The following PARM1 variants were observed in gnomAD, a reference collection of about 807,000 sequenced individuals.
The protein encoded by PARM1 is WSC4, cell wall integrity and stress response component 4 homolog.
PARM1 carries 14 observed loss-of-function variants against 24.6 expected under a neutral mutation model. The ratio of observed to expected loss-of-function variants is 0.57; its 90% CI spans 0.38 to 0.89. The LOEUF (loss-of-function observed/expected upper bound fraction) is 0.89. Among genes scored for constraint, PARM1 ranks in the 40% least tolerant of loss-of-function variants. PARM1 has a pLI of 0.00. For synonymous variants in PARM1, 179 were observed against 156.6 expected (o/e 1.14, Z -1.07); for missense variants, 362 against 380.4 (o/e 0.95, Z 0.40).
chr4:74,945,778 G>A (rs1406943743), intron 1 of PARM1, among the ~76,000 whole-genome samples: 1 of 152,160 alleles, frequency 6.6e-6, no homozygotes, highest in East Asian at 1.9e-4. Flanking sequence ...ACAGCCCTCA[G>A]AAGAATATAC....
At chr4:74,988,559 A>G (rs879430014) in intron 1 of PARM1, among the ~76,000 whole-genome samples, 2 of 152,192 alleles carry the variant, frequency 1.3e-5, no homozygotes, top group Admixed American at 1.3e-4. Context: ...TGTTGAATGA[A>G]TAAACTAACT....
chr4:75,015,892 C>T lies in PARM1; in HGVS notation c.769+2742C>T, dbSNP rs28464157. 2.6e-3 allele frequency among the ~76,000 whole-genome samples: 398 copies of T among 152,320 alleles called. 1 individual carries two copies. The highest frequency in any genetic ancestry group is 4.2e-3 in the Non-Finnish European group (289 of 68,028). ...GACCAAGCAACATTCTGTTGGTTTG[C>T]GCTTCAGGTTACTATTTTGGGATGC... On this transcript the variant is annotated intron_variant, in intron 2 of 3. Coordinates refer to ENST00000307428, the MANE Select transcript of PARM1 (RefSeq NM_015393.4).
chr4:75,044,643 T>C, intron 3 of PARM1, among the ~76,000 whole-genome samples: 1 of 152,140 alleles, frequency 6.6e-6, no homozygotes, highest in Non-Finnish European at 1.5e-5. Context: ...ATGAGAAATA[T>C]TAAGCTGGGA....
chr4:74,943,330 CAT>C (rs1721349970), intron 1 of PARM1, among the ~76,000 whole-genome samples: 1 of 152,122 alleles, frequency 6.6e-6, no homozygotes, highest in Non-Finnish European at 1.5e-5. Context: ...TTTGTGGGCA[CAT>C]GAGGGTACTA....
chr4:75,010,208 T>C (rs1459957490), intron 1 of PARM1, among the ~76,000 whole-genome samples: 1 of 152,246 alleles, frequency 6.6e-6, no homozygotes, highest in African/African-American at 2.4e-5. Flanking sequence ...TGCTATCACA[T>C]GGATGAAACT....
At chr4:75,008,039 G>T (rs138014811) in intron 1 of PARM1, among the ~76,000 whole-genome samples, 1 of 152,146 alleles carries the variant, frequency 6.6e-6, no homozygotes, top group African/African-American at 2.4e-5. Context: ...AGTCCTAGCC[G>T]ACTAAGACAG....
intron 1 of PARM1, chr4:74,965,358 G>A (rs532032101): frequency 6.6e-5 from 10 of 152,284 alleles, no homozygotes; most frequent in African/African-American, 2.2e-4. Context: ...TGGGGATCTG[G>A]GGTACAGATG....
chr4:75,020,029 A>G (rs1723062021), intron 2 of PARM1, among the ~76,000 whole-genome samples: 1 of 150,658 alleles, frequency 6.6e-6, no homozygotes, highest in African/African-American at 2.4e-5. Context: ...AAAAAAAAAA[A>G]AAAAAAAAGA....
intron 1 of PARM1, among the ~76,000 whole-genome samples, chr4:74,942,638 C>T (rs1390400840): frequency 6.6e-6 from 1 of 152,182 alleles, no homozygotes; most frequent in Non-Finnish European, 1.5e-5. Context: ...GAAAGTCTGT[C>T]TGCTCTAGTT....
chr4:74,982,782 A>G (rs1722282931), intron 1 of PARM1, among the ~76,000 whole-genome samples: 1 of 152,338 alleles, frequency 6.6e-6, no homozygotes, highest in Admixed American at 6.5e-5. Context: ...CTCCCTAGTG[A>G]TATGCTTGAA....
In PARM1 at chr4:74,958,988, G is replaced by A. The variant is rs115380909; in HGVS notation, c.43+25618G>A. 6.1e-3 allele frequency among the ~76,000 whole-genome samples: 930 copies of A among 152,212 alleles called. 7 individuals are homozygous for A. Among genetic ancestry groups the A allele is most frequent in the Middle Eastern group, 0.038 (11 of 292 alleles). ...TTTAAAGAAAAAGATCTAGAATAGGGCTATCCAACACAAAACTCTCTGTAA... is the reference window on the plus strand; with the variant it reads ...TTTAAAGAAAAAGATCTAGAATAGGACTATCCAACACAAAACTCTCTGTAA... On this transcript the variant is annotated intron_variant, in intron 1 of 3. Coordinates refer to ENST00000307428, the MANE Select transcript of PARM1 (RefSeq NM_015393.4).
chr4:74,937,492 T>C (rs1721217954), intron 1 of PARM1, among the ~76,000 whole-genome samples: 1 of 152,188 alleles, frequency 6.6e-6, no homozygotes, highest in Admixed American at 6.5e-5. Context: ...AAAATCTAAG[T>C]TTTACTACTT....
At chr4:74,981,200 T>C (rs1194632506) in intron 1 of PARM1, among the ~76,000 whole-genome samples, 1 of 152,182 alleles carries the variant, frequency 6.6e-6, no homozygotes. Context: ...AGAACATTTT[T>C]GCAATCTATC....
At chr4:74,976,185 G>A (rs1722135500) in intron 1 of PARM1, among the ~76,000 whole-genome samples, 1 of 152,162 alleles carries the variant, frequency 6.6e-6, no homozygotes, top group Non-Finnish European at 1.5e-5. Context: ...GCAGCAGTCT[G>A]GAGACTCCCT....
intron 1 of PARM1, among the ~76,000 whole-genome samples, chr4:74,985,838 G>A (rs1176613467): frequency 5.3e-5 from 8 of 152,032 alleles, no homozygotes; most frequent in East Asian, 3.9e-4. Context: ...GCATGGTCTC[G>A]GCTCACTGCA....
intron 2 of PARM1, among the ~76,000 whole-genome samples, chr4:75,023,639 A>G (rs895324319): frequency 6.6e-6 from 1 of 152,260 alleles, no homozygotes; most frequent in African/African-American, 2.4e-5. Context: ...CATAGTCCAA[A>G]AAGTATAAAG....
intron 1 of PARM1, among the ~76,000 whole-genome samples, chr4:74,962,610 A>C (rs1721800457): frequency 6.6e-6 from 1 of 152,206 alleles, no homozygotes; most frequent in Non-Finnish European, 1.5e-5. Context: ...ACATGGAAAA[A>C]AGTATGCCAT....
chr4:74,980,596 G>A (rs990934922), intron 1 of PARM1, among the ~76,000 whole-genome samples: 1 of 152,018 alleles, frequency 6.6e-6, no homozygotes, highest in African/African-American at 2.4e-5. Flanking sequence ...ATTTTTCACA[G>A]AATTATAAAA....
At chr4:74,980,441 A>G (rs1258521662) in intron 1 of PARM1, among the ~76,000 whole-genome samples, 1 of 152,186 alleles carries the variant, frequency 6.6e-6, no homozygotes, top group Non-Finnish European at 1.5e-5. Context: ...GCAGAACTAC[A>G]AACCACTTCT....
Sources: allele counts gnomAD v4.1 joint callset (sites outside exome capture counted in the v4.1 genomes callset), GRCh38; gene constraint gnomAD v4.1.1; transcripts MANE v1.5; gene names NCBI Gene and HGNC (gene_info 2026-07-23, HGNC 2026-07-21).